NCAM2: variants seen among roughly 807,000 people sequenced by gnomAD.
NCAM2 encodes neural cell adhesion molecule 2, also known as N-CAM-2.
A neutral mutation model predicts 98.1 loss-of-function variants in NCAM2; 30 were observed. That is an observed-to-expected ratio of 0.31 (90% CI 0.23 to 0.41). NCAM2 has a LOEUF of 0.41. Among genes scored for constraint, NCAM2 ranks in the 10% least tolerant of loss-of-function variants. NCAM2 has a pLI of 1.00. For synonymous variants in NCAM2, 368 were observed against 342.4 expected, an observed-to-expected ratio of 1.07 and a Z score of -0.83; for missense variants, 867 against 1,005.8, an observed-to-expected ratio of 0.86 and a Z score of 1.87.
intron 1 of NCAM2, among the ~76,000 whole-genome samples, chr21:21,005,279 G>A (rs73228140): frequency 0.061 from 9,211 of 152,222 alleles, 273 homozygotes; most frequent in African/African-American, 0.06. Flanking sequence ...AGAAGTGGAC[G>A]TGGCACATGT....
At chr21:21,046,952 GTTAT>G (rs2065016664) in intron 1 of NCAM2, among the ~76,000 whole-genome samples, 1 of 152,056 alleles carries the variant, frequency 6.6e-6, no homozygotes, top group Non-Finnish European at 1.5e-5. Flanking sequence ...ATATTTTTCA[GTTAT>G]TTTATTCTCC....
chr21:21,147,327 G>A, intron 1 of NCAM2: 3 of 964,550 alleles, frequency 3.1e-6, no homozygotes, highest in Non-Finnish European at 3.7e-6. Context: ...TTTGTTGAAT[G>A]TTGAAAGAAG....
chr21:21,537,752 G>T, intron 17 of NCAM2, 94 bp from the exon 18 acceptor site: 2 of 547,044 alleles, frequency 3.7e-6, no homozygotes, highest in Non-Finnish European at 6.5e-6. Flanking sequence ...CATATTATTG[G>T]AGCATATTTT....
At chr21:21,112,127 CTG>C (rs1274266259) in intron 1 of NCAM2, among the ~76,000 whole-genome samples, 1 of 152,046 alleles carries the variant, frequency 6.6e-6, no homozygotes, top group Non-Finnish European at 1.5e-5. Flanking sequence ...GTTAAAAATA[CTG>C]TGTTTTTAAC....
intron 12 of NCAM2, among the ~76,000 whole-genome samples, chr21:21,449,391 C>T (rs1266472157): frequency 1.3e-5 from 2 of 151,370 alleles, no homozygotes; most frequent in East Asian, 1.9e-4. Context: ...AAAATTAGAG[C>T]TCATCTGACT....
At chr21:21,441,753 C>T (rs548630778) in intron 12 of NCAM2, among the ~76,000 whole-genome samples, 7 of 141,048 alleles carry the variant, frequency 5.0e-5, no homozygotes, top group Middle Eastern at 3.7e-3. Flanking sequence ...GAAAGCCTCC[C>T]AGGCAGAGTT....
intron 7 of NCAM2, among the ~76,000 whole-genome samples, chr21:21,335,951 C>G (rs1347855215): frequency 6.6e-6 from 1 of 152,054 alleles, no homozygotes; most frequent in Non-Finnish European, 1.5e-5. Flanking sequence ...GGGTGGATCT[C>G]TGTAAGTCTC....
At chr21:21,421,182 G>T (rs1262015449) in intron 11 of NCAM2, among the ~76,000 whole-genome samples, 2 of 151,846 alleles carry the variant, frequency 1.3e-5, no homozygotes, top group East Asian at 1.9e-4. Context: ...TGTTGATTAG[G>T]TTTAAATAAT....
chr21:21,166,481 C>T (rs1186968458), intron 1 of NCAM2, among the ~76,000 whole-genome samples: 3 of 139,298 alleles, frequency 2.2e-5, no homozygotes, highest in African/African-American at 4.9e-5. Flanking sequence ...GCTGGGATTA[C>T]AGGCGTGAGC....
intron 12 of NCAM2, among the ~76,000 whole-genome samples, chr21:21,438,828 A>C (rs957690724): frequency 1.3e-5 from 2 of 152,102 alleles, no homozygotes; most frequent in Admixed American, 1.3e-4. Context: ...CACGCTTGTG[A>C]AACCAACATT....
chr21:21,160,941 C>T (rs560979049), intron 1 of NCAM2, among the ~76,000 whole-genome samples: 1 of 152,078 alleles, frequency 6.6e-6, no homozygotes, highest in Non-Finnish European at 1.5e-5. Flanking sequence ...AGAGATTTTT[C>T]ATCCAGTCTA....
intron 9 of NCAM2, among the ~76,000 whole-genome samples, chr21:21,405,795 C>A (rs111602468): frequency 7.2e-4 from 110 of 152,166 alleles, no homozygotes; most frequent in African/African-American, 2.6e-3. Context: ...AACAATATTT[C>A]TTATTAATTC....
rs574110443 is a variant in NCAM2, at chr21:21,177,691, C to T, written c.56-102887C>T. On this transcript the variant is annotated intron_variant, in intron 1 of 17. Coordinates refer to ENST00000400546, the MANE Select transcript of NCAM2 (RefSeq NM_004540.5). Reference sequence around the variant, plus strand: ...TGTGTTCCTTTCCCTTTCCATTTCTCACCTACTCTCTTTCTCTCCCCTCTC... The same window carrying T: ...TGTGTTCCTTTCCCTTTCCATTTCTTACCTACTCTCTTTCTCTCCCCTCTC... Among the ~76,000 whole-genome samples the T allele has an allele frequency of 3.0e-4, 46 of 151,590 alleles. 1 individual carries two copies. The South Asian group carries it at 9.1e-3, about 30-fold the overall frequency.
At chr21:21,510,941 G>A (rs747663580) in intron 16 of NCAM2, among the ~76,000 whole-genome samples, 1 of 151,896 alleles carries the variant, frequency 6.6e-6, no homozygotes, top group Non-Finnish European at 1.5e-5. Flanking sequence ...CTCGTGCTAA[G>A]CAATATCCTG....
At chr21:21,323,893 T>C (rs2074441536) in intron 5 of NCAM2, among the ~76,000 whole-genome samples, 1 of 152,166 alleles carries the variant, frequency 6.6e-6, no homozygotes, top group Non-Finnish European at 1.5e-5. Flanking sequence ...AGCAGTGATA[T>C]ATTGCTTATG....
At chr21:21,084,421 C>T (rs187303660) in intron 1 of NCAM2, among the ~76,000 whole-genome samples, 382 of 152,198 alleles carry the variant, frequency 2.5e-3, no homozygotes, top group African/African-American at 8.8e-3. Flanking sequence ...TCATGTTGTT[C>T]TTTTATAACC....
chr21:21,373,942 C>T lies in NCAM2; in HGVS notation c.1124C>T (p.Ser375Leu). 1.2e-6 allele frequency: 2 copies of T among 1,610,964 alleles called. No individual in the cohort carries two copies. The highest frequency in any genetic ancestry group is 1.7e-6 in the Non-Finnish European group (2 of 1,178,172). ...ATTAAAGATGTGAAGTTGTCAGATT[C>T]AGGGAGATATGACTGTGAAGCTGCA... ...LHIKDVKLSDSGRYDCEAASR... is the reference protein window; with the variant it reads ...LHIKDVKLSDLGRYDCEAASR... The change falls in exon 9 of 18, where the codon TCA becomes TTA. Residue 375 changes from serine (S) to leucine (L), a missense_variant. Transcript: ENST00000400546.
At chr21:21,223,858 A>G (rs1053255928) in intron 1 of NCAM2, 2 of 152,218 alleles carry the variant, frequency 1.3e-5, no homozygotes, top group African/African-American at 4.8e-5. Context: ...GCCTAAGACG[A>G]ATAAAACATC....
intron 12 of NCAM2, among the ~76,000 whole-genome samples, chr21:21,465,061 A>G (rs1983501580): frequency 6.6e-6 from 1 of 152,152 alleles, no homozygotes; most frequent in Admixed American, 6.6e-5. Context: ...GAAATTGAGA[A>G]ATACGAAAGT....
Sources: gnomAD v4.1 joint callset for allele counts (sites outside exome capture counted in the v4.1 genomes callset) on GRCh38, gnomAD v4.1.1 for gene constraint, MANE v1.5 for transcripts, NCBI Gene and HGNC (gene_info 2026-07-23, HGNC 2026-07-21) for gene names.